The following GALNT15 variants were observed in gnomAD, a reference collection of about 807,000 sequenced individuals.
The protein encoded by GALNT15 is polypeptide N-acetylgalactosaminyltransferase 15.
Under a neutral mutation model 66.8 loss-of-function variants are expected in GALNT15, and 67 were observed. The observed-to-expected ratio is 1.00, with a 90% CI of 0.82 to 1.23. GALNT15 has a LOEUF of 1.23. Ranked by LOEUF, GALNT15 falls within the 50% of genes most tolerant of loss-of-function variation. GALNT15 has a pLI of 0.00. For missense variants in GALNT15, 827 were observed against 804.3 expected (o/e 1.03, Z -0.34); for synonymous variants, 313 against 311.5 (o/e 1.00, Z -0.05).
chr3:16,220,991 A>C (rs2063936520), intron 8 of GALNT15, among the ~76,000 whole-genome samples: 1 of 152,202 alleles, frequency 6.6e-6, no homozygotes, highest in Admixed American at 6.5e-5. Context: ...ATCAAGTGCT[A>C]AGTGAAGAAG....
chr3:16,213,757 G>C (rs572849181), intron 6 of GALNT15, among the ~76,000 whole-genome samples: 13 of 152,200 alleles, frequency 8.5e-5, no homozygotes, highest in African/African-American at 2.9e-4. Flanking sequence ...GCATGCCACA[G>C]ATGAAGCCTA....
At chr3:16,201,466 C>A (rs1418670244) in intron 3 of GALNT15, among the ~76,000 whole-genome samples, 1 of 152,190 alleles carries the variant, frequency 6.6e-6, no homozygotes, top group Non-Finnish European at 1.5e-5. Flanking sequence ...CAGGCGTGAG[C>A]CACCGCGCCT....
intron 1 of GALNT15, among the ~76,000 whole-genome samples, chr3:16,190,405 G>A (rs559979500): frequency 1.3e-5 from 2 of 152,282 alleles, no homozygotes; most frequent in South Asian, 2.1e-4. Context: ...TTGGGAGGCC[G>A]AGATGGGAGG....
At chr3:16,185,500 T>A (rs1253116501) in intron 1 of GALNT15, among the ~76,000 whole-genome samples, 1 of 152,182 alleles carries the variant, frequency 6.6e-6, no homozygotes, top group Non-Finnish European at 1.5e-5. Context: ...CTTGCATTGT[T>A]CCCTGATGAA....
At chr3:16,231,485 T>C (rs2064081183), downstream of GALNT15, among the ~76,000 whole-genome samples, 2 of 152,136 alleles carry the variant, frequency 1.3e-5, no homozygotes, top group Non-Finnish European at 2.9e-5. The surrounding 1 kb of genome is among the most constrained non-coding windows in gnomAD (Gnocchi z 4.1). Flanking sequence ...GGGATGTTTA[T>C]ATTTTTTCAT....
Position 16,228,354 on chromosome 3 carries a change from T to G in GALNT15, c.*854T>G. ...ACAAAGGTGTTCACAGTTGAGAAAC[T>G]CTCCTGCCGGGCGCGGTGGCTCATG... On this transcript the variant is annotated 3_prime_UTR_variant, in exon 10 of 10. Transcript: ENST00000339732. The G allele has an allele frequency of 1.0e-6, 1 of 985,578 alleles. No individual in the cohort carries two copies. The highest frequency in any genetic ancestry group is 1.2e-6 in the Non-Finnish European group (1 of 829,790). 61.1% of individuals were successfully genotyped at this position (985,578 alleles called of 1,614,324 possible).
At chr3:16,231,080 G>A (rs2064077010), downstream of GALNT15, among the ~76,000 whole-genome samples, 2 of 147,810 alleles carry the variant, frequency 1.4e-5, no homozygotes, top group Admixed American at 1.4e-4. The surrounding 1 kb of genome is among the most constrained non-coding windows in gnomAD (Gnocchi z 4.1). Flanking sequence ...ACTCATACAT[G>A]GGAATTGGAC....
chr3:16,192,914 CA>C (rs1309025260), intron 1 of GALNT15, among the ~76,000 whole-genome samples: 1 of 152,172 alleles, frequency 6.6e-6, no homozygotes, highest in Non-Finnish European at 1.5e-5. Flanking sequence ...ATTTATCTTT[CA>C]AATAAGTGTT....
intron 6 of GALNT15, among the ~76,000 whole-genome samples, chr3:16,216,126 A>G (rs1403655191): frequency 1.3e-5 from 2 of 152,128 alleles, no homozygotes; most frequent in East Asian, 3.9e-4. Flanking sequence ...TAAACCTGAG[A>G]TCAACCTTTG....
At chr3:16,220,334 T>G in intron 8 of GALNT15, 1 of 346,782 alleles carries the variant, frequency 2.9e-6, no homozygotes, top group East Asian at 5.9e-5. Context: ...GATTGCAAAC[T>G]CAGAAGCCTC....
chr3:16,197,286 A>C (rs1452297759), intron 2 of GALNT15, among the ~76,000 whole-genome samples: 3 of 152,090 alleles, frequency 2.0e-5, no homozygotes, highest in African/African-American at 7.2e-5. Context: ...ATCCCCTGCC[A>C]AGCAATTAAG....
chr3:16,243,426 G>A, the GALNT15 span, among the ~76,000 whole-genome samples: 1 of 152,246 alleles, frequency 6.6e-6, no homozygotes, highest in African/African-American at 2.4e-5. Flanking sequence ...CACTTCTGCA[G>A]CTGATGCAGT....
intron 8 of GALNT15, among the ~76,000 whole-genome samples, chr3:16,221,256 C>CTT (rs60472018): frequency 0.55 from 77,560 of 140,056 alleles, 21,880 homozygotes; most frequent in East Asian, 0.79. Flanking sequence ...CTTTCTTGTT[C>CTT]TTTTTTTTTT....
intron 8 of GALNT15, 153 bp downstream of exon 8, chr3:16,220,167 A>G (rs1191947792): frequency 6.1e-6 from 4 of 654,148 alleles, no homozygotes; most frequent in Admixed American, 2.3e-5. Context: ...GTAATGACTC[A>G]TCACAGCTCT....
chr3:16,198,464 T>C (rs1016915331), intron 2 of GALNT15, among the ~76,000 whole-genome samples: 1 of 142,100 alleles, frequency 7.0e-6, no homozygotes, highest in Non-Finnish European at 1.6e-5. Context: ...TGTTTTTAGC[T>C]GTCCCGAGAA....
the GALNT15 span, among the ~76,000 whole-genome samples, chr3:16,240,476 A>G: frequency 6.6e-6 from 1 of 152,206 alleles, no homozygotes; most frequent in East Asian, 1.9e-4. Context: ...GTTTCTGGGA[A>G]GGCAGAGATA....
At chr3:16,197,074 T>C (rs543781627) in intron 2 of GALNT15, among the ~76,000 whole-genome samples, 2 of 152,330 alleles carry the variant, frequency 1.3e-5, no homozygotes, top group East Asian at 3.9e-4. Context: ...AGGACAGGGC[T>C]GGGTTGGCGG....
In GALNT15 at chr3:16,195,011, T is replaced by C. The variant is rs1411304306; in HGVS notation, c.540-749T>C. ...TAAAATTTTAAAAAATAGTAAGTGC[T>C]AACATTTAAAAATTGTGTGCCAGGT... On this transcript the variant is annotated intron_variant, in intron 1 of 9. Coordinates refer to ENST00000339732, the MANE Select transcript of GALNT15 (RefSeq NM_054110.5). This position sits in a 1 kb window ranked among gnomAD's most constrained non-coding sequence, Gnocchi z 4.6. Among the ~76,000 whole-genome samples, 1 of 152,202 alleles carries C rather than the reference T, an allele frequency of 6.6e-6. No homozygotes were observed. The highest frequency in any genetic ancestry group is 1.5e-5 in the Non-Finnish European group (1 of 68,032).
chr3:16,196,608 A>T (rs2063641292), intron 2 of GALNT15, among the ~76,000 whole-genome samples: 1 of 152,186 alleles, frequency 6.6e-6, no homozygotes, highest in Non-Finnish European at 1.5e-5. Flanking sequence ...CATCGGAATC[A>T]CCTGGTGCGA....
Sources: allele counts gnomAD v4.1 joint callset (sites outside exome capture counted in the v4.1 genomes callset), GRCh38; gene constraint gnomAD v4.1.1; non-coding constraint Gnocchi (gnomAD v3.1); transcripts MANE v1.5; gene names NCBI Gene and HGNC (gene_info 2026-07-23, HGNC 2026-07-21).